RYR2: variants seen among roughly 807,000 people sequenced by gnomAD.
RYR2 encodes cardiac muscle ryanodine receptor-calcium release channel.
RYR2 carries 227 observed loss-of-function variants against 601.1 expected under a neutral mutation model. The ratio of observed to expected loss-of-function variants is 0.38; its 90% CI spans 0.34 to 0.42. The LOEUF (loss-of-function observed/expected upper bound fraction) is 0.42, where lower values mean the gene tolerates loss of function less well. RYR2 is among the 10% of genes least tolerant of loss of function. The pLI is 1.00. For synonymous variants in RYR2, 2,223 were observed against 2,175.1 expected (o/e 1.02, Z -0.61); for missense variants, 4,646 against 6,156.5 (o/e 0.75, Z 8.21).
intron 1 of RYR2, among the ~76,000 whole-genome samples, chr1:237,048,655 C>T (rs1379282984): frequency 6.6e-6 from 1 of 152,134 alleles, no homozygotes; most frequent in Non-Finnish European, 1.5e-5. Flanking sequence ...CTTTCTCCGA[C>T]CATTTATCAC....
chr1:237,617,567 C>CT, intron 38 of RYR2, 81 bp downstream of exon 38: 1 of 1,273,328 alleles, frequency 7.9e-7, no homozygotes, highest in Non-Finnish European at 1.1e-6. Flanking sequence ...AATTATATAA[C>CT]TCACACGTCT....
intron 26 of RYR2, among the ~76,000 whole-genome samples, chr1:237,548,945 C>T (rs1670101519): frequency 6.6e-6 from 1 of 152,160 alleles, no homozygotes; most frequent in Admixed American, 6.5e-5. Flanking sequence ...TTATTCACAA[C>T]CCCTGGGGCC....
At chr1:237,432,333 G>C (rs986320277) in intron 12 of RYR2, among the ~76,000 whole-genome samples, 2 of 152,062 alleles carry the variant, frequency 1.3e-5, no homozygotes, top group Non-Finnish European at 2.9e-5. Flanking sequence ...ATAACTTGTA[G>C]GGACAGAAAC....
intron 2 of RYR2, among the ~76,000 whole-genome samples, chr1:237,324,564 G>A (rs1695962124): frequency 6.6e-6 from 1 of 152,086 alleles, no homozygotes; most frequent in Non-Finnish European, 1.5e-5. Context: ...CTGATTTAGG[G>A]TTTTCTTAAA....
rs192832528 is a variant in RYR2, at chr1:237,254,836, G to A, written c.49-15661G>A. ...TTACCAGGCTGATCCTAAGGGGCCA[G>A]CCTGTCTGGCACTTGCTTTCATCTC... is the stretch of plus-strand genomic sequence containing the variant. On this transcript the variant is annotated intron_variant, in intron 1 of 104. Coordinates refer to ENST00000366574, the MANE Select transcript of RYR2 (RefSeq NM_001035.3). Among the ~76,000 whole-genome samples, 2 of 152,338 alleles carry A rather than the reference G, an allele frequency of 1.3e-5. 1 individual carries two copies. The highest frequency in any genetic ancestry group is 3.9e-4 in the East Asian group (2 of 5,186).
intron 101 of RYR2, among the ~76,000 whole-genome samples, chr1:237,826,211 C>A (rs1023507912): frequency 3.9e-5 from 6 of 152,110 alleles, no homozygotes; most frequent in African/African-American, 1.4e-4. Context: ...AAGACACATG[C>A]ACACGTATGT....
At chr1:237,753,037 A>T (rs1573808064) in intron 80 of RYR2, among the ~76,000 whole-genome samples, 1 of 152,336 alleles carries the variant, frequency 6.6e-6, no homozygotes, top group African/African-American at 2.4e-5. Context: ...TGATGCACAG[A>T]TGATAGATTT....
chr1:237,456,629 A>G lies in RYR2; in HGVS notation c.1506A>G (p.Ile502Met). ...EGMINLVLECIDRLHVYSSAA... is the reference protein window; with the variant it reads ...EGMINLVLECMDRLHVYSSAA... ...TGATCAACCTCGTGCTTGAGTGCAT[A>G]GACCGTTTGCACGTCTACAGCAGTG... is the stretch of plus-strand genomic sequence containing the variant. Residue 502 changes from isoleucine to methionine, a missense_variant, in exon 16 of 105, where the codon ATA becomes ATG. By Grantham distance (10) the Ile-to-Met change is conservative (BLOSUM62 1). Transcript: ENST00000366574. 1 of 1,605,394 alleles carries G rather than the reference A, an allele frequency of 6.2e-7. No homozygotes were observed. Among genetic ancestry groups the G allele is most frequent in the Non-Finnish European group, 8.5e-7 (1 of 1,174,904 alleles).
In RYR2 at chr1:237,488,392, G is replaced by C. The variant is rs372657540; in HGVS notation, c.1709-3414G>C. Reference sequence around the variant, plus strand: ...GGGCCTCCTTTCTCAAAGAAAGTTCGTCCTCACATGGTGGAAGGGACAGCA... The same window carrying C: ...GGGCCTCCTTTCTCAAAGAAAGTTCCTCCTCACATGGTGGAAGGGACAGCA... On this transcript the variant is annotated intron_variant, in intron 17 of 104. Transcript: ENST00000366574. 4.6e-5 allele frequency among the ~76,000 whole-genome samples: 7 copies of C among 152,256 alleles called. No individual in the cohort carries two copies. The South Asian group carries it at 1.4e-3, about 32-fold the overall frequency.
Position 237,752,089 on chromosome 1 carries a change from A to C in RYR2, c.11146-4199A>C, listed in dbSNP as rs905429514. On this transcript the variant is annotated intron_variant, in intron 80 of 104. Transcript: ENST00000366574. Reference sequence around the variant, plus strand: ...ATGCAAATTTTCTTGAATACCTATTATTTTCAGAGAACTGTACTGGATGTA... The same window carrying C: ...ATGCAAATTTTCTTGAATACCTATTCTTTTCAGAGAACTGTACTGGATGTA... 2.0e-5 allele frequency among the ~76,000 whole-genome samples: 3 copies of C among 152,148 alleles called. No individual in the cohort carries two copies. The East Asian group carries it at 5.8e-4, about 29-fold the overall frequency.
chr1:237,053,768 C>A (rs1661585353), intron 1 of RYR2, among the ~76,000 whole-genome samples: 1 of 152,084 alleles, frequency 6.6e-6, no homozygotes, highest in Non-Finnish European at 1.5e-5. Context: ...GTGGACATAA[C>A]AATCAGAAAA....
chr1:237,337,363 G>A (rs1453888003), intron 3 of RYR2, among the ~76,000 whole-genome samples: 4 of 151,664 alleles, frequency 2.6e-5, no homozygotes, highest in Admixed American at 6.6e-5. Flanking sequence ...CTTTTTAAAA[G>A]TACATTTATC....
intron 1 of RYR2, among the ~76,000 whole-genome samples, chr1:237,085,292 G>A (rs573302118): frequency 6.6e-5 from 10 of 152,290 alleles, no homozygotes; most frequent in East Asian, 1.9e-4. Context: ...GGATGGAACC[G>A]TGACTTATCA....
At chr1:237,676,801 C>A (rs1488593369) in intron 60 of RYR2, among the ~76,000 whole-genome samples, 2 of 152,090 alleles carry the variant, frequency 1.3e-5, no homozygotes. Context: ...TGTAATCTCT[C>A]CACATCTTTT....
At chr1:237,095,498 AG>A (rs1667418932) in intron 1 of RYR2, among the ~76,000 whole-genome samples, 1 of 152,222 alleles carries the variant, frequency 6.6e-6, no homozygotes, top group Non-Finnish European at 1.5e-5. Context: ...ACAAAGCCAA[AG>A]GGTTATTTAT....
chr1:237,780,751 A>G (rs1695036461), intron 88 of RYR2, among the ~76,000 whole-genome samples: 1 of 152,226 alleles, frequency 6.6e-6, no homozygotes, highest in African/African-American at 2.4e-5. Flanking sequence ...TATTAGTACA[A>G]TGTTGTACTA....
chr1:237,755,099 C>A, intron 80 of RYR2: 1 of 1,288,666 alleles, frequency 7.8e-7, no homozygotes, highest in African/African-American at 1.5e-5. Flanking sequence ...AATTTGCCAG[C>A]CTCGGCGAGA....
At chr1:237,381,083 G>GA (rs1269115067) in intron 8 of RYR2, among the ~76,000 whole-genome samples, 2 of 150,160 alleles carry the variant, frequency 1.3e-5, no homozygotes, top group African/African-American at 4.9e-5. Flanking sequence ...CATCTCAAAA[G>GA]AAAAAAAAGA....
chr1:237,186,860 C>A (rs1679398866), intron 1 of RYR2, among the ~76,000 whole-genome samples: 1 of 152,210 alleles, frequency 6.6e-6, no homozygotes, highest in Non-Finnish European at 1.5e-5. Context: ...CAAATAGCTG[C>A]AGAGCTGATA....
Sources: allele counts gnomAD v4.1 joint callset (sites outside exome capture counted in the v4.1 genomes callset), GRCh38; gene constraint gnomAD v4.1.1; transcripts MANE v1.5; gene names NCBI Gene and HGNC (gene_info 2026-07-23, HGNC 2026-07-21).